The following SERINC5 variants were observed in gnomAD, a reference collection of about 807,000 sequenced individuals.
SERINC5 encodes the protein chromosome 5 open reading frame 12.
A neutral mutation model predicts 63.1 loss-of-function variants in SERINC5; 41 were observed. That is an observed-to-expected ratio of 0.65 (90% CI 0.51 to 0.84). The LOEUF is 0.84. SERINC5 is among the 40% of genes least tolerant of loss of function. The pLI is 0.00. For synonymous variants in SERINC5, 222 were observed against 215.2 expected (o/e 1.03, Z -0.28); for missense variants, 523 against 573.0 (o/e 0.91, Z 0.89).
chr5:80,140,332 A>AAAG lies in SERINC5; in HGVS notation c.*3330_*3331insCTT. ...AAAAAAAAAAAAAAAAAAAAAAAAAAGGCTTAGGGTGACAATTTTGACATG... is the reference window on the plus strand; with the variant it reads ...AAAAAAAAAAAAAAAAAAAAAAAAAAAAGGGCTTAGGGTGACAATTTTGACATG... On this transcript the variant is annotated 3_prime_UTR_variant, in exon 12 of 12. Transcript: ENST00000507668. 1 of 713,182 alleles carries AAAG rather than the reference A, an allele frequency of 1.4e-6. No individual in the cohort carries two copies. The highest frequency in any genetic ancestry group is 1.7e-6 in the Non-Finnish European group (1 of 594,722). 44.2% of individuals were successfully genotyped at this position (713,182 alleles called of 1,614,324 possible).
chr5:80,133,315 G>A (rs578155915), intron 11 of SERINC5, among the ~76,000 whole-genome samples: 83 of 152,282 alleles, frequency 5.5e-4, no homozygotes, highest in African/African-American at 2.0e-3. Flanking sequence ...CCTAACACTA[G>A]CCTAAAACAG....
At chr5:80,214,805 G>A (rs1750592135) in intron 1 of SERINC5, among the ~76,000 whole-genome samples, 1 of 152,286 alleles carries the variant, frequency 6.6e-6, no homozygotes, top group African/African-American at 2.4e-5. Context: ...GCTGAGGCAG[G>A]AGAATTGCTT....
intron 11 of SERINC5, among the ~76,000 whole-genome samples, chr5:80,133,436 G>A (rs1745028099): frequency 2.0e-5 from 3 of 152,306 alleles, no homozygotes; most frequent in South Asian, 4.1e-4. Context: ...TGGTACATGT[G>A]TTCATGAACT....
intron 1 of SERINC5, among the ~76,000 whole-genome samples, chr5:80,248,958 C>T (rs1015668910): frequency 3.3e-5 from 5 of 152,122 alleles, no homozygotes; most frequent in African/African-American, 1.2e-4. Context: ...TAGAAACACA[C>T]CCAAACCTCT....
chr5:80,170,089 C>T (rs921370971), intron 5 of SERINC5, among the ~76,000 whole-genome samples: 1 of 152,152 alleles, frequency 6.6e-6, no homozygotes, highest in African/African-American at 2.4e-5. Context: ...CCCTGCTATA[C>T]AAGAGATATG....
chr5:80,136,589 A>G (rs1745187546), downstream of SERINC5, among the ~76,000 whole-genome samples: 1 of 152,218 alleles, frequency 6.6e-6, no homozygotes, highest in Non-Finnish European at 1.5e-5. Context: ...AAAGCTAGGC[A>G]ACAAAAATGT....
intron 11 of SERINC5, among the ~76,000 whole-genome samples, chr5:80,124,428 A>G (rs941519995): frequency 2.7e-4 from 41 of 152,244 alleles, no homozygotes; most frequent in African/African-American, 9.6e-4. Context: ...GTGGCTGACT[A>G]CCTTGCAACC....
intron 8 of SERINC5, among the ~76,000 whole-genome samples, chr5:80,154,520 G>C (rs962460005): frequency 2.6e-5 from 4 of 152,082 alleles, no homozygotes; most frequent in Admixed American, 1.3e-4. Flanking sequence ...CTAGCTGGCA[G>C]GCAGGCCAGA....
intron 1 of SERINC5, among the ~76,000 whole-genome samples, chr5:80,231,857 T>C (rs1751451751): frequency 1.3e-5 from 2 of 152,028 alleles, no homozygotes; most frequent in African/African-American, 2.4e-5. Context: ...TCCCAGCACT[T>C]TGGGAGGCCA....
chr5:80,144,047 C>T (rs1307935972), intron 11 of SERINC5, among the ~76,000 whole-genome samples: 1 of 151,922 alleles, frequency 6.6e-6, no homozygotes, highest in Non-Finnish European at 1.5e-5. Context: ...CCCGCATTCA[C>T]CAATCTACTT....
intron 1 of SERINC5, among the ~76,000 whole-genome samples, chr5:80,216,054 T>C (rs1393840507): frequency 1.3e-5 from 2 of 152,198 alleles, no homozygotes; most frequent in Non-Finnish European, 2.9e-5. Context: ...TGATACATTT[T>C]AGCAGGTTGG....
chr5:80,251,338 G>A (rs557443335), intron 1 of SERINC5, among the ~76,000 whole-genome samples: 1 of 147,458 alleles, frequency 6.8e-6, no homozygotes, highest in South Asian at 2.2e-4. Flanking sequence ...ATACATACAT[G>A]GGTTTTCATT....
chr5:80,153,681 G>A (rs1304442567), intron 8 of SERINC5, among the ~76,000 whole-genome samples: 1 of 151,908 alleles, frequency 6.6e-6, no homozygotes, highest in Non-Finnish European at 1.5e-5. Flanking sequence ...ACAGCATTGG[G>A]TTAAGACAAT....
At chr5:80,125,834 G>T (rs1214663446) in intron 11 of SERINC5, among the ~76,000 whole-genome samples, 1 of 152,184 alleles carries the variant, frequency 6.6e-6, no homozygotes, top group Non-Finnish European at 1.5e-5. Flanking sequence ...AGTGGGTTGG[G>T]TAGGGAGGAA....
intron 11 of SERINC5, among the ~76,000 whole-genome samples, chr5:80,145,208 G>A (rs1456962393): frequency 6.6e-6 from 1 of 151,956 alleles, no homozygotes; most frequent in East Asian, 1.9e-4. Context: ...TAGCCAGTGT[G>A]GTGGCAGCAC....
chr5:80,182,584 T>G (rs1185355495), intron 2 of SERINC5, among the ~76,000 whole-genome samples: 1 of 139,390 alleles, frequency 7.2e-6, no homozygotes, highest in Non-Finnish European at 1.5e-5. Flanking sequence ...AGACCTCTGT[T>G]GCCCAGGCTG....
intron 1 of SERINC5, among the ~76,000 whole-genome samples, chr5:80,247,809 C>T (rs868646686): frequency 6.6e-5 from 10 of 152,134 alleles, no homozygotes; most frequent in East Asian, 3.9e-4. Flanking sequence ...GTACCCAACC[C>T]CATATATACT....
chr5:80,131,763 T>C (rs1386705127), intron 11 of SERINC5, among the ~76,000 whole-genome samples: 8 of 152,188 alleles, frequency 5.3e-5, no homozygotes, highest in Non-Finnish European at 4.4e-5. Flanking sequence ...ACACCTCACA[T>C]AGTCTTTTGC....
chr5:80,114,623 C>T (rs1233050450), intron 11 of SERINC5: 1 of 151,268 alleles, frequency 6.6e-6, no homozygotes, highest in Non-Finnish European at 1.5e-5. Context: ...CCACTGTACT[C>T]CAGCCTGGGC....
Sources: allele counts gnomAD v4.1 joint callset (sites outside exome capture counted in the v4.1 genomes callset), GRCh38; gene constraint gnomAD v4.1.1; transcripts MANE v1.5; gene names NCBI Gene and HGNC (gene_info 2026-07-23, HGNC 2026-07-21).